Variants in LZTS3 observed in about 807,000 individuals in gnomAD.
The protein encoded by LZTS3 is leucine zipper putative tumor suppressor 3.
LZTS3 carries 16 observed loss-of-function variants against 50.9 expected under a neutral mutation model. The observed-to-expected ratio is 0.31, with a 90% CI of 0.21 to 0.48. The LOEUF (loss-of-function observed/expected upper bound fraction) is 0.48. LZTS3 is among the 20% of genes least tolerant of loss of function. LZTS3 has a pLI of 0.99. For synonymous variants in LZTS3, 408 were observed against 410.6 expected (o/e 0.99, Z 0.08); for missense variants, 816 against 931.0 (o/e 0.88, Z 1.61).
rs1283753939 is a variant in LZTS3, at chr20:3,166,313, G to C, written c.507C>G (p.Pro169=). The C allele has an allele frequency of 3.7e-6, 6 of 1,613,738 alleles. No individual in the cohort carries two copies. The highest frequency in any genetic ancestry group is 5.1e-6 in the Non-Finnish European group (6 of 1,179,862). Reference sequence around the variant, plus strand: ...AATTCTGCATGGAGTGGAAATTCTTGGGTACGACAGGCTTGAAGGCCGACG... The same window carrying C: ...AATTCTGCATGGAGTGGAAATTCTTCGGTACGACAGGCTTGAAGGCCGACG... ...VRPSAFKPVV[P]KNFHSMQNLC... Residue 169 remains proline (P), a synonymous_variant, in exon 4 of 5, where the codon CCC becomes CCG. Transcript: ENST00000337576.
At position 3,166,219 on chromosome 20, in the gene LZTS3, C is replaced by T; in HGVS notation, c.601G>A (p.Asp201Asn). ...GCTGGAGTCATGGTCCGAGACTTGT[C>T]CAGTCCGCCTTTGAGGCCACCAGGG... ...QGPGGLKGGL[D>N]KSRTMTPAGG... Residue 201 changes from aspartate (D) to asparagine (N), a missense_variant, in exon 4 of 5, where the codon GAC (aspartate) becomes AAC (asparagine). Asp to Asn is a conservative substitution (Grantham distance 23). Transcript: ENST00000337576. The T allele has an allele frequency of 6.2e-7, 1 of 1,613,798 alleles. No individual in the cohort carries two copies. Among genetic ancestry groups the T allele is most frequent in the Non-Finnish European group, 8.5e-7 (1 of 1,179,876 alleles).
Position 3,167,780 on chromosome 20 carries a change from C to G in LZTS3, c.-61G>C. The G allele has an allele frequency of 1.0e-6, 1 of 985,550 alleles. No individual in the cohort carries two copies. The allele number at this position is 985,550 out of a possible 1,614,324, so 61.1% of individuals were successfully genotyped here. A position where few individuals can be genotyped will look rare whatever the true frequency, so the allele number is the denominator to read the frequency against. On this transcript the variant is annotated 5_prime_UTR_variant, in exon 2 of 5. Transcript: ENST00000337576. ...GGCAGAAGTGGAAGCTCACTACCAGCGCAGGCTTCTCTCCTTGCCTTTCCA... is the reference window on the plus strand; with the variant it reads ...GGCAGAAGTGGAAGCTCACTACCAGGGCAGGCTTCTCTCCTTGCCTTTCCA...
chr20:3,170,485 T>TAAAAAAAA (rs2066888350), intron 1 of LZTS3, among the ~76,000 whole-genome samples: 4 of 9,976 alleles, frequency 4.0e-4, no homozygotes, highest in African/African-American at 1.2e-3. Context: ...CGAGACTACA[T>TAAAAAAAA]CAAAAAAAAA....
At chr20:3,168,598 G>T (rs539071878) in intron 1 of LZTS3, 1 of 152,414 alleles carries the variant, frequency 6.6e-6, no homozygotes, top group South Asian at 2.1e-4. Flanking sequence ...TGTGCTCAGG[G>T]AGGCCGTGCT....
intron 1 of LZTS3, among the ~76,000 whole-genome samples, chr20:3,169,879 T>TAAAAAA (rs34415260): frequency 1.6e-5 from 1 of 62,508 alleles, no homozygotes; most frequent in African/African-American, 7.1e-5. Flanking sequence ...ACTCTTTCCT[T>TAAAAAA]AAAAAAAAAA....
rs894351447 is a variant in LZTS3, at chr20:3,165,709, A to G, written c.1111T>C (p.Cys371Arg). 1.9e-6 allele frequency: 3 copies of G among 1,569,066 alleles called. No individual in the cohort carries two copies. Among genetic ancestry groups the G allele is most frequent in the East Asian group, 2.3e-5 (1 of 42,720 alleles). ...ERELAELRQGCSGKLQQVARR... is the reference protein window; with the variant it reads ...ERELAELRQGRSGKLQQVARR... Reference sequence around the variant, plus strand: ...GCCACCTGCTGTAGCTTCCCGCTGCAGCCCTGCCGCAGCTCGGCCAGCTCC... The same window carrying G: ...GCCACCTGCTGTAGCTTCCCGCTGCGGCCCTGCCGCAGCTCGGCCAGCTCC... Residue 371 changes from cysteine to arginine, a missense_variant, in exon 4 of 5, where the codon TGC (cysteine) becomes CGC (arginine). Transcript: ENST00000337576. This position sits in a 1 kb window ranked among gnomAD's most constrained non-coding sequence, Gnocchi z 5.0.
In LZTS3 at chr20:3,166,349, T is replaced by C. The variant is rs747034278; in HGVS notation, c.471A>G (p.Pro157=). 6.2e-7 allele frequency: 1 copy of C among 1,608,678 alleles called. No individual in the cohort carries two copies. ...TSGKLDQCSE[P]LVRPSAFKPV... ...GCTTGAAGGCCGACGGCCGAACTAG[T>C]GGTTCTGAGCACTGCAGGAAACGCA... is the stretch of plus-strand genomic sequence containing the variant. Residue 157 remains proline, a synonymous_variant, in exon 4 of 5, where the codon CCA becomes CCG. Transcript: ENST00000337576.
In LZTS3 at chr20:3,167,090, G is replaced by A. The variant is rs1035886210; in HGVS notation, c.74C>T (p.Pro25Leu). 1 of 1,538,520 alleles carries A rather than the reference G, an allele frequency of 6.5e-7. No homozygotes were observed. The highest frequency in any genetic ancestry group is 8.7e-7 in the Non-Finnish European group (1 of 1,145,356). ...RDPLLAFAPR[P>L]SELGPPDPRL... ...GGGGTCCGGGGGTCCAAGCTCGGAG[G>A]GCCGTGGGGCAAAGGCCAGGAGAGG... Residue 25 changes from proline to leucine, a missense_variant, in exon 3 of 5, where the codon CCC (proline) becomes CTC (leucine). By Grantham distance (98) the Pro-to-Leu change is moderately conservative. Transcript: ENST00000337576.
rs1227699052 is a variant in LZTS3 at position 3,162,650 on chromosome 20, T to A, written c.*1804A>T. 6.6e-6 allele frequency: 1 copy of A among 152,618 alleles called. No homozygotes were observed. Among genetic ancestry groups the A allele is most frequent in the Non-Finnish European group, 1.5e-5 (1 of 68,038 alleles). 9.5% of individuals were successfully genotyped at this position (152,618 alleles called of 1,614,324 possible). ...AAGAGGCTTTTTCCGTTTTATTTCT[T>A]TGGGAAAGGAAAACAAAAAGTCTTT... On this transcript the variant is annotated 3_prime_UTR_variant, in exon 5 of 5. Transcript: ENST00000337576. This position sits in a 1 kb window ranked among gnomAD's most constrained non-coding sequence, Gnocchi z 5.0.
In LZTS3 at chr20:3,164,556, G is replaced by A; in HGVS notation, c.1920C>T (p.Arg640=). 2 of 1,607,920 alleles carry A rather than the reference G, an allele frequency of 1.2e-6. No homozygotes were observed. The highest frequency in any genetic ancestry group is 8.5e-7 in the Non-Finnish European group (1 of 1,177,344). ...GCGTGCTTGCACCCCCTGCGGCCCC[G>A]CGCTCCCGCAGCCTGCGCTCCAGCT... ...NQQLERRLRE[R]GAAGGASTPT... Residue 640 remains arginine (R), a synonymous_variant, in exon 5 of 5, where the codon CGC becomes CGT. Coordinates refer to ENST00000337576, the MANE Select transcript of LZTS3 (RefSeq NM_001365618.1).
chr20:3,167,908 G>C lies in LZTS3; in HGVS notation c.-189C>G. 1.0e-5 allele frequency: 10 copies of C among 972,984 alleles called. No homozygotes were observed. The highest frequency in any genetic ancestry group is 1.2e-5 in the Non-Finnish European group (10 of 818,492). The allele number at this position is 972,984 out of a possible 1,614,324, so 60.3% of individuals were successfully genotyped here. On this transcript the variant is annotated 5_prime_UTR_variant, in exon 2 of 5. Coordinates refer to ENST00000337576, the MANE Select transcript of LZTS3 (RefSeq NM_001365618.1). Reference sequence around the variant, plus strand: ...CGCAGTCGGGGCTCGGCCCGAACCAGCTGCGCGACTTTGGAGGGGCCGACT... The same window carrying C: ...CGCAGTCGGGGCTCGGCCCGAACCACCTGCGCGACTTTGGAGGGGCCGACT...
chr20:3,164,425 T>C lies in LZTS3; in HGVS notation c.*29A>G, dbSNP rs781381702. The C allele has an allele frequency of 4.0e-6, 6 of 1,500,068 alleles. No individual in the cohort carries two copies. The African/African-American group carries it at 7.2e-5, about 18-fold the overall frequency. 92.9% of individuals were successfully genotyped at this position (1,500,068 alleles called of 1,614,324 possible). ...GGGACTCTGGCCTTTTGACAGGACA[T>C]GTGTCAAAATGCCGAGTGCCCAGGT... On this transcript the variant is annotated 3_prime_UTR_variant, in exon 5 of 5. Coordinates refer to ENST00000337576, the MANE Select transcript of LZTS3 (RefSeq NM_001365618.1).
At position 3,165,914 on chromosome 20, in the gene LZTS3, G is replaced by C; in HGVS notation, c.906C>G (p.Gly302=). Reference sequence around the variant, plus strand: ...CCGCGAAAGGCAGGCCTCCACCTCCGCCCTCCCCAGAGCCCAGGTGGCCTG... The same window carrying C: ...CCGCGAAAGGCAGGCCTCCACCTCCCCCCTCCCCAGAGCCCAGGTGGCCTG... ...GRPGHLGSGE[G]GGGGLPFAAC... The change falls in exon 4 of 5, where the codon GGC becomes GGG. Residue 302 remains glycine (G), a synonymous_variant. Transcript: ENST00000337576. This position sits in a 1 kb window ranked among gnomAD's most constrained non-coding sequence, Gnocchi z 5.0. 6.2e-7 allele frequency: 1 copy of C among 1,610,210 alleles called. No individual in the cohort carries two copies. The highest frequency in any genetic ancestry group is 8.5e-7 in the Non-Finnish European group (1 of 1,179,876).
chr20:3,167,023 G>T lies in LZTS3; in HGVS notation c.141C>A (p.Ala47=). 1 of 1,586,040 alleles carries T rather than the reference G, an allele frequency of 6.3e-7. No individual in the cohort carries two copies. The part of the protein sequence containing the change: ...MGSVGSGVAH[A]QEFAMKSVGT... The stretch of plus-strand genomic sequence containing the variant: ...CCACGCTCTTCATGGCAAACTCCTG[G>T]GCATGGGCCACCCCACTGCCCACGC... The change falls in exon 3 of 5, where the codon GCC becomes GCA. Residue 47 remains alanine, a synonymous_variant. Transcript: ENST00000337576.
intron 1 of LZTS3, among the ~76,000 whole-genome samples, chr20:3,169,879 TAA>T (rs34415260): frequency 0.33 from 20,438 of 62,604 alleles, 3,073 homozygotes; most frequent in South Asian, 0.58. Flanking sequence ...ACTCTTTCCT[TAA>T]AAAAAAAAAA....
Position 3,165,392 on chromosome 20 carries a change from T to TGG in LZTS3, c.1323+104_1323+105insCC. The TGG allele has an allele frequency of 2.4e-6, 2 of 831,284 alleles. No individual in the cohort carries two copies. The highest frequency in any genetic ancestry group is 3.3e-6 in the Non-Finnish European group (2 of 602,848). The allele number at this position is 831,284 out of a possible 1,614,324, so 51.5% of individuals were successfully genotyped here. A position where few individuals can be genotyped will look rare whatever the true frequency, so the allele number is the denominator to read the frequency against. ...ATTTTTGTCCCCCCTGCTCCTTTCA[T>TGG]CCCCCCCCCCATCCCACCGTTATGA... On this transcript the variant is annotated intron_variant, in intron 4 of 4. Coordinates refer to ENST00000337576, the MANE Select transcript of LZTS3 (RefSeq NM_001365618.1). The surrounding 1 kb of genome is among the most constrained non-coding windows in gnomAD (Gnocchi z 5.0).
chr20:3,167,855 G>A lies in LZTS3; in HGVS notation c.-136C>T, dbSNP rs189509788. On this transcript the variant is annotated 5_prime_UTR_variant, in exon 2 of 5. Coordinates refer to ENST00000337576, the MANE Select transcript of LZTS3 (RefSeq NM_001365618.1). ...TCAAGCCTGGGACCCTCCGAGGCCC[G>A]GTCTGCAGGGGCCATGTGCCTCACT... 14 of 985,332 alleles carry A rather than the reference G, an allele frequency of 1.4e-5. No individual in the cohort carries two copies. Among genetic ancestry groups the A allele is most frequent in the African/African-American group, 8.7e-5 (5 of 57,244 alleles). The allele number at this position is 985,332 out of a possible 1,614,324, so 61.0% of individuals were successfully genotyped here. A position where few individuals can be genotyped will look rare whatever the true frequency, so the allele number is the denominator to read the frequency against.
rs555801323 is a variant in LZTS3 at position 3,164,392 on chromosome 20, G to A, written c.*62C>T. On this transcript the variant is annotated 3_prime_UTR_variant, in exon 5 of 5. Transcript: ENST00000337576. ...ATGGGGAAGAGAGATGGAGGGGAGG[G>A]GACACTGGGGACTCTGGCCTTTTGA... is the stretch of plus-strand genomic sequence containing the variant. 8 of 1,460,774 alleles carry A rather than the reference G, an allele frequency of 5.5e-6. No homozygotes were observed. The South Asian group carries it at 1.1e-4, about 21-fold the overall frequency. 90.5% of individuals were successfully genotyped at this position (1,460,774 alleles called of 1,614,324 possible). A position where few individuals can be genotyped will look rare whatever the true frequency, so the allele number is the denominator to read the frequency against.
intron 1 of LZTS3, among the ~76,000 whole-genome samples, chr20:3,171,528 C>T (rs1346793643): frequency 6.6e-6 from 1 of 151,888 alleles, no homozygotes; most frequent in Non-Finnish European, 1.5e-5. Flanking sequence ...AGCCGGGCGT[C>T]GTGGTGCGTG....
Sources: allele counts gnomAD v4.1 joint callset (sites outside exome capture counted in the v4.1 genomes callset), GRCh38; gene constraint gnomAD v4.1.1; non-coding constraint Gnocchi (gnomAD v3.1); transcripts MANE v1.5; gene names NCBI Gene and HGNC (gene_info 2026-07-23, HGNC 2026-07-21).